The following ARHGEF9 variants were observed in gnomAD, a reference collection of about 807,000 sequenced individuals.
The protein encoded by ARHGEF9 is Cdc42 guanine nucleotide exchange factor 9.
ARHGEF9 carries 2 observed loss-of-function variants against 41.3 expected under a neutral mutation model. The observed-to-expected ratio is 0.05, with a 90% CI of 0.02 to 0.15. The LOEUF is 0.15. Ranked by LOEUF, ARHGEF9 falls within the 10% of genes least tolerant of loss-of-function variation. ARHGEF9 has a pLI of 1.00. For missense variants in ARHGEF9, 225 were observed against 424.7 expected, an observed-to-expected ratio of 0.53 and a Z score of 4.13; for synonymous variants, 160 against 154.4, an observed-to-expected ratio of 1.04 and a Z score of -0.27.
intron 9 of ARHGEF9, chrX:63,642,035 C>T (rs190604953): frequency 6.9e-4 from 78 of 112,434 alleles, no homozygotes; most frequent in African/African-American, 2.4e-3. Context: ...TGCAGATGGC[C>T]TATTGTGGGA....
intron 2 of ARHGEF9, among the ~76,000 whole-genome samples, chrX:63,723,433 G>A (rs781917637): frequency 9.0e-6 from 1 of 111,492 alleles, no homozygotes; most frequent in Admixed American, 9.5e-5. Flanking sequence ...GCCCTAGCTA[G>A]CCCTTCTGAC....
At chrX:63,778,847 T>C (rs2056336305) in intron 1 of ARHGEF9, among the ~76,000 whole-genome samples, 1 of 112,091 alleles carries the variant, frequency 8.9e-6, no homozygotes, top group African/African-American at 3.2e-5. Flanking sequence ...AAGTTTCTCA[T>C]CTCTATCTGA....
intron 4 of ARHGEF9, among the ~76,000 whole-genome samples, chrX:63,683,511 T>A (rs1226280309): frequency 9.0e-6 from 1 of 111,671 alleles, no homozygotes; most frequent in Non-Finnish European, 1.9e-5. Context: ...ATAAAATTTC[T>A]ATGGAACCAA....
intron 1 of ARHGEF9, among the ~76,000 whole-genome samples, chrX:63,766,262 T>C (rs1556451837): frequency 1.8e-5 from 2 of 111,991 alleles, no homozygotes; most frequent in Non-Finnish European, 3.8e-5. Context: ...TGAATGTGTG[T>C]GTATGCACAC....
intron 8 of ARHGEF9, among the ~76,000 whole-genome samples, chrX:63,648,343 C>G (rs1167122755): frequency 9.0e-6 from 1 of 110,931 alleles, no homozygotes; most frequent in African/African-American, 3.3e-5. Context: ...TCATATCCAG[C>G]CAAACTAAGC....
At chrX:63,746,383 C>G (rs1312443243) in intron 1 of ARHGEF9, among the ~76,000 whole-genome samples, 2 of 111,918 alleles carry the variant, frequency 1.8e-5, no homozygotes, top group Non-Finnish European at 3.8e-5. Context: ...TCAAAGCTTC[C>G]TCCTGAATAC....
chrX:63,726,322 C>CCATT (rs782176096), intron 1 of ARHGEF9, among the ~76,000 whole-genome samples: 6 of 112,355 alleles, frequency 5.3e-5, no homozygotes, highest in South Asian at 3.7e-4. Flanking sequence ...CTCACTATTA[C>CCATT]CATTCATTCA....
intron 3 of ARHGEF9, among the ~76,000 whole-genome samples, chrX:63,705,357 ATGTGTGTGTGTGTGTGTGTG>A (rs58549005): frequency 8.5e-5 from 7 of 82,097 alleles, no homozygotes; most frequent in East Asian, 4.3e-4. Flanking sequence ...ATAAGAGAGA[ATGTGTGTGTGTGTGTGTGTG>A]TGTGTGTGTG....
chrX:63,755,834 C>T, intron 1 of ARHGEF9: 1 of 753,828 alleles, frequency 1.3e-6, no homozygotes, highest in Non-Finnish European at 1.6e-6. Context: ...CTGCCCTTAC[C>T]TGGTCAGATT....
chrX:63,644,696 A>G (rs1213562001), intron 8 of ARHGEF9, among the ~76,000 whole-genome samples: 4 of 110,087 alleles, frequency 3.6e-5, no homozygotes, highest in African/African-American at 1.3e-4. Context: ...CAAAAAACAG[A>G]CATCATAATA....
At chrX:63,774,586 T>A (rs2056259612) in intron 1 of ARHGEF9, among the ~76,000 whole-genome samples, 1 of 111,653 alleles carries the variant, frequency 9.0e-6, no homozygotes. Context: ...TTATTATTCC[T>A]TTAATGCCTT....
At chrX:63,666,453 T>TAAACACACACAC (rs1556348918) in intron 6 of ARHGEF9, among the ~76,000 whole-genome samples, 1 of 81,263 alleles carries the variant, frequency 1.2e-5, no homozygotes, top group African/African-American at 4.6e-5. Flanking sequence ...TATATATACA[T>TAAACACACACAC]ACACACACAC....
chrX:63,637,330 A>C lies in ARHGEF9; in HGVS notation c.*698T>G, dbSNP rs2047358111. The C allele has an allele frequency of 3.4e-6, 1 of 295,036 alleles. No homozygotes were observed. Among genetic ancestry groups the C allele is most frequent in the South Asian group, 2.1e-4 (1 of 4,777 alleles). 24.3% of individuals were successfully genotyped at this position (295,036 alleles called of 1,213,427 possible). A position where few individuals can be genotyped will look rare whatever the true frequency, so the allele number is the denominator to read the frequency against. On this transcript the variant is annotated 3_prime_UTR_variant, in exon 10 of 10. Coordinates refer to ENST00000671741, the MANE Select transcript of ARHGEF9 (RefSeq NM_001353921.2). ...GTACCTAAAACACAGTAAAAGCAATAGGAATACTGAGCAGTTTTGTCACAG... is the reference window on the plus strand; with the variant it reads ...GTACCTAAAACACAGTAAAAGCAATCGGAATACTGAGCAGTTTTGTCACAG...
At chrX:63,666,516 T>C (rs1409840984) in intron 6 of ARHGEF9, among the ~76,000 whole-genome samples, 4 of 103,658 alleles carry the variant, frequency 3.9e-5, no homozygotes, top group Non-Finnish European at 7.9e-5. Context: ...CTCTCTTCTC[T>C]ATAAATCTCT....
At chrX:63,656,734 A>G (rs1206388141) in intron 7 of ARHGEF9, 2 of 111,603 alleles carry the variant, frequency 1.8e-5, no homozygotes, top group African/African-American at 3.3e-5. Context: ...AGTGACAATG[A>G]TATATGCCAC....
intron 7 of ARHGEF9, chrX:63,656,524 T>C (rs1420639089): frequency 1.5e-4 from 17 of 111,525 alleles, no homozygotes; most frequent in African/African-American, 5.6e-4. Context: ...TTTAATAATA[T>C]AAAGTACTGG....
At chrX:63,701,357 C>CA in intron 3 of ARHGEF9, 1 of 103,037 alleles carries the variant, frequency 9.7e-6, no homozygotes, top group Non-Finnish European at 2.0e-5. Context: ...TTTCATATGT[C>CA]TTTTTTTTTT....
intron 3 of ARHGEF9, among the ~76,000 whole-genome samples, chrX:63,701,245 G>A (rs1312348293): frequency 3.6e-5 from 4 of 110,951 alleles, no homozygotes; most frequent in Non-Finnish European, 5.7e-5. Context: ...ATTCTTTAGG[G>A]AAGGGCCCTC....
At chrX:63,678,732 AC>A (rs1371058385) in intron 4 of ARHGEF9, among the ~76,000 whole-genome samples, 160 bp from the exon 5 acceptor site, 1 of 112,548 alleles carries the variant, frequency 8.9e-6, no homozygotes, top group Non-Finnish European at 1.9e-5. Flanking sequence ...AAATATCAAA[AC>A]AAATTATTCA....
Sources: allele counts gnomAD v4.1 joint callset (sites outside exome capture counted in the v4.1 genomes callset), GRCh38; gene constraint gnomAD v4.1.1; transcripts MANE v1.5; gene names NCBI Gene and HGNC (gene_info 2026-07-23, HGNC 2026-07-21).